Variants in ARHGAP42 observed in about 807,000 individuals in gnomAD.
ARHGAP42 encodes the protein Rho GTPase activating protein 42.
A neutral mutation model predicts 125.0 loss-of-function variants in ARHGAP42; 63 were observed. The ratio of observed to expected loss-of-function variants is 0.50; its 90% CI spans 0.41 to 0.62. The LOEUF (loss-of-function observed/expected upper bound fraction) is 0.62. ARHGAP42 is among the 20% of genes least tolerant of loss of function. The pLI is 0.00. For missense variants in ARHGAP42, 766 were observed against 1,024.2 expected (o/e 0.75, Z 3.44); for synonymous variants, 339 against 351.0 (o/e 0.97, Z 0.38).
intron 1 of ARHGAP42, among the ~76,000 whole-genome samples, chr11:100,726,014 C>T (rs1028691790): frequency 6.8e-6 from 1 of 146,396 alleles, no homozygotes; most frequent in Non-Finnish European, 1.5e-5. Flanking sequence ...GGGAGGAGCA[C>T]TTCAGCCTTG....
At chr11:100,705,015 A>ACAACAACAAC (rs57168463) in intron 1 of ARHGAP42, among the ~76,000 whole-genome samples, 3 of 121,192 alleles carry the variant, frequency 2.5e-5, no homozygotes, top group South Asian at 2.7e-4. Context: ...AACAACAACA[A>ACAACAACAAC]AAAAAAAAAA....
At chr11:100,889,344 G>C (rs1377042766) in intron 4 of ARHGAP42, among the ~76,000 whole-genome samples, 1 of 152,092 alleles carries the variant, frequency 6.6e-6, no homozygotes, top group Non-Finnish European at 1.5e-5. Context: ...CATAATGAAA[G>C]GGCTTAATTG....
At position 100,735,023 on chromosome 11, in the gene ARHGAP42, C is replaced by A. The variant is rs12291987; in HGVS notation, c.155-35320C>A. Among the ~76,000 whole-genome samples the A allele has an allele frequency of 8.0e-3, 1,221 of 152,192 alleles. 15 individuals are homozygous for A. The highest frequency in any genetic ancestry group is 0.028 in the African/African-American group (1,149 of 41,488). On this transcript the variant is annotated intron_variant, in intron 1 of 23. Transcript: ENST00000298815. Reference sequence around the variant, plus strand: ...AACAAAACAACAACAACAACAACAACAACAAAACCCTGTGTTTGGGGTTTG... The same window carrying A: ...AACAAAACAACAACAACAACAACAAAAACAAAACCCTGTGTTTGGGGTTTG...
At chr11:100,704,060 T>A (rs1861440091) in intron 1 of ARHGAP42, among the ~76,000 whole-genome samples, 2 of 152,096 alleles carry the variant, frequency 1.3e-5, no homozygotes, top group African/African-American at 4.8e-5. Context: ...AGTGTGTTAA[T>A]TAGAGACAAA....
chr11:100,757,609 C>G (rs17095405), intron 1 of ARHGAP42, among the ~76,000 whole-genome samples: 39,167 of 151,940 alleles, frequency 0.26, 5,284 homozygotes, highest in Non-Finnish European at 0.29. Context: ...TGGGGTGGCT[C>G]TAAGGGTACA....
chr11:100,959,547 A>T (rs1462504140), intron 12 of ARHGAP42, among the ~76,000 whole-genome samples: 1 of 152,122 alleles, frequency 6.6e-6, no homozygotes, highest in East Asian at 1.9e-4. Context: ...ACAAGTTTCA[A>T]TACATAATAA....
At chr11:100,798,001 A>G (rs1863763290) in intron 3 of ARHGAP42, among the ~76,000 whole-genome samples, 1 of 152,230 alleles carries the variant, frequency 6.6e-6, no homozygotes, top group South Asian at 2.1e-4. Flanking sequence ...GGAGTAAATA[A>G]CTATAGATGT....
chr11:100,912,771 A>G (rs1003899902), intron 4 of ARHGAP42, among the ~76,000 whole-genome samples: 1 of 152,172 alleles, frequency 6.6e-6, no homozygotes, highest in Admixed American at 6.5e-5. Context: ...TTGTTCCCCA[A>G]AACTCCAACA....
rs373059302 is a variant in ARHGAP42 at position 100,837,666 on chromosome 11, C to CTTTTTTTTTTTTTT, written c.313-21870_313-21857dup. On this transcript the variant is annotated intron_variant, in intron 3 of 23. Coordinates refer to ENST00000298815, the MANE Select transcript of ARHGAP42 (RefSeq NM_152432.4). ...CAGTTCCCAGAATCTAGGTGTCATC[C>CTTTTTTTTTTTTTT]TTTTTTTTTTTTTTTTTTTTTTTTT... 5.4e-3 allele frequency among the ~76,000 whole-genome samples: 327 copies of CTTTTTTTTTTTTTT among 60,804 alleles called. 44 individuals are homozygous for CTTTTTTTTTTTTTT. The highest frequency in any genetic ancestry group is 0.01 in the South Asian group (14 of 1,376). 39.9% of individuals were successfully genotyped at this position (60,804 alleles called of 152,430 possible).
intron 1 of ARHGAP42, among the ~76,000 whole-genome samples, chr11:100,702,682 T>G (rs1306506372): frequency 1.3e-5 from 2 of 151,348 alleles, no homozygotes; most frequent in Non-Finnish European, 3.0e-5. Context: ...TTTTTTTTTT[T>G]TTTTTTGACA....
chr11:100,954,948 G>A (rs1370958717), intron 12 of ARHGAP42, among the ~76,000 whole-genome samples: 1 of 152,144 alleles, frequency 6.6e-6, no homozygotes, highest in Non-Finnish European at 1.5e-5. Flanking sequence ...GATCAGCAAA[G>A]TGAATTAAAA....
intron 4 of ARHGAP42, among the ~76,000 whole-genome samples, chr11:100,892,219 G>A (rs1214043804): frequency 6.6e-6 from 1 of 152,138 alleles, no homozygotes; most frequent in Non-Finnish European, 1.5e-5. Flanking sequence ...ACTAAAATAT[G>A]GATAATGAAT....
chr11:100,985,157 T>C (rs935066077), intron 22 of ARHGAP42, among the ~76,000 whole-genome samples: 1 of 152,208 alleles, frequency 6.6e-6, no homozygotes, highest in African/African-American at 2.4e-5. Context: ...AACATATATG[T>C]CTAAAATATT....
intron 1 of ARHGAP42, among the ~76,000 whole-genome samples, chr11:100,707,175 A>AT (rs1179275653): frequency 1.3e-5 from 2 of 151,996 alleles, no homozygotes; most frequent in African/African-American, 2.4e-5. Context: ...GTTTCTTCTA[A>AT]TTTTTTTGGC....
chr11:100,878,726 C>T (rs1022626379), intron 4 of ARHGAP42, among the ~76,000 whole-genome samples: 1 of 152,070 alleles, frequency 6.6e-6, no homozygotes, highest in African/African-American at 2.4e-5. Context: ...AGCATCCTCT[C>T]CCCGCCAAAT....
chr11:100,982,006 T>G (rs1858555952), intron 22 of ARHGAP42, among the ~76,000 whole-genome samples: 1 of 152,190 alleles, frequency 6.6e-6, no homozygotes, highest in African/African-American at 2.4e-5. Flanking sequence ...GGAGACAGCA[T>G]GGAGTTTGAT....
chr11:100,980,084 C>T (rs1858493031), intron 22 of ARHGAP42, among the ~76,000 whole-genome samples: 2 of 152,132 alleles, frequency 1.3e-5, no homozygotes, highest in South Asian at 4.1e-4. Context: ...TAAGGGCCCT[C>T]ATGTATTAGG....
intron 2 of ARHGAP42, among the ~76,000 whole-genome samples, chr11:100,793,669 CACTT>C (rs66502549): frequency 0.22 from 32,665 of 151,920 alleles, 4,036 homozygotes; most frequent in African/African-American, 0.35. Context: ...TTGTTTTTCT[CACTT>C]ACTTGTCTTT....
intron 4 of ARHGAP42, among the ~76,000 whole-genome samples, chr11:100,884,689 C>T (rs1393351461): frequency 2.6e-5 from 4 of 152,138 alleles, no homozygotes; most frequent in Non-Finnish European, 5.9e-5. Context: ...CCCCCCAACC[C>T]CGTCCCACTA....
Sources: allele counts gnomAD v4.1 joint callset (sites outside exome capture counted in the v4.1 genomes callset), GRCh38; gene constraint gnomAD v4.1.1; transcripts MANE v1.5; gene names NCBI Gene and HGNC (gene_info 2026-07-23, HGNC 2026-07-21).